AKAP6: variants seen among roughly 807,000 people sequenced by gnomAD.
AKAP6 encodes A-kinase anchor protein 6.
Under a neutral mutation model 188.5 loss-of-function variants are expected in AKAP6, and 58 were observed. The ratio of observed to expected loss-of-function variants is 0.31; its 90% CI spans 0.25 to 0.38. The LOEUF is 0.38. Among genes scored for constraint, AKAP6 ranks in the 10% least tolerant of loss-of-function variants. AKAP6 has a pLI of 1.00. For synonymous variants in AKAP6, 989 were observed against 998.6 expected (o/e 0.99, Z 0.18); for missense variants, 2,710 against 2,740.0 (o/e 0.99, Z 0.24).
intron 11 of AKAP6, among the ~76,000 whole-genome samples, chr14:32,743,165 T>G (rs2031751994): frequency 6.6e-6 from 1 of 152,188 alleles, no homozygotes; most frequent in Non-Finnish European, 1.5e-5. Context: ...AAATCTATTT[T>G]GTCTGATATA....
rs369253301 is a variant in AKAP6, at chr14:32,837,473, A to G, written c.*7668A>G. 8 of 152,260 alleles carry G rather than the reference A, an allele frequency of 5.3e-5. No homozygotes were observed. The South Asian group carries it at 1.5e-3, about 28-fold the overall frequency. 9.4% of individuals were successfully genotyped at this position (152,260 alleles called of 1,614,324 possible). Reference sequence around the variant, plus strand: ...TTTTAAATCCCAATATTCCCTAACCACTGGTTTATAAAAAATACTCTAAGG... The same window carrying G: ...TTTTAAATCCCAATATTCCCTAACCGCTGGTTTATAAAAAATACTCTAAGG... On this transcript the variant is annotated 3_prime_UTR_variant, in exon 14 of 14. Coordinates refer to ENST00000280979, the MANE Select transcript of AKAP6 (RefSeq NM_004274.5).
Position 32,450,252 on chromosome 14 carries a change from T to C in AKAP6, c.324+16435T>C, listed in dbSNP as rs554082120. On this transcript the variant is annotated intron_variant, in intron 2 of 13. Coordinates refer to ENST00000280979, the MANE Select transcript of AKAP6 (RefSeq NM_004274.5). ...GAAATGTTAGTAGTTCTGATTATGA[T>C]TCTATCCCAATCCAAATACTGCTTG... Among the ~76,000 whole-genome samples, 196 of 152,288 alleles carry C rather than the reference T, an allele frequency of 1.3e-3. 1 individual carries two copies. Among genetic ancestry groups the C allele is most frequent in the African/African-American group, 4.5e-3 (185 of 41,568 alleles).
At chr14:32,731,414 C>T (rs1319687314) in intron 9 of AKAP6, among the ~76,000 whole-genome samples, 2 of 151,972 alleles carry the variant, frequency 1.3e-5, no homozygotes, top group Non-Finnish European at 2.9e-5. Flanking sequence ...TTTATTTGCC[C>T]AGAGAAAAGT....
intron 2 of AKAP6, among the ~76,000 whole-genome samples, chr14:32,479,450 A>G (rs1486059976): frequency 6.6e-6 from 1 of 152,220 alleles, no homozygotes; most frequent in Admixed American, 6.5e-5. Flanking sequence ...TACATGTAAT[A>G]AAAAATTGGA....
At chr14:32,432,407 G>A (rs1890254182) in intron 1 of AKAP6, among the ~76,000 whole-genome samples, 1 of 152,064 alleles carries the variant, frequency 6.6e-6, no homozygotes, top group South Asian at 2.1e-4. Flanking sequence ...CTTACTTTTT[G>A]ATGAATTACA....
At chr14:32,518,972 G>T (rs1219359099) in intron 2 of AKAP6, among the ~76,000 whole-genome samples, 1 of 152,236 alleles carries the variant, frequency 6.6e-6, no homozygotes, top group Admixed American at 6.5e-5. Context: ...ACAAAGGGAA[G>T]CCCATCAGAC....
At position 32,571,975 on chromosome 14, in the gene AKAP6, A is replaced by T. The variant is rs368770985; in HGVS notation, c.2347-5145A>T. Among the ~76,000 whole-genome samples, 6 of 152,340 alleles carry T rather than the reference A, an allele frequency of 3.9e-5. No individual in the cohort carries two copies. In the East Asian group the frequency reaches 1.2e-3, roughly 29 times the overall value. On this transcript the variant is annotated intron_variant, in intron 4 of 13. Transcript: ENST00000280979. ...TTCTTGTTAAGCATTTAGTCTCATC[A>T]CAAATTCTGTTTTAGAAAAAAACAA...
rs145363202 is a variant in AKAP6 at position 32,482,608 on chromosome 14, C to G, written c.324+48791C>G. On this transcript the variant is annotated intron_variant, in intron 2 of 13. Transcript: ENST00000280979. ...ACTTACTGTCTTTTCCTGTTTTGTT[C>G]TCTGCTGTATTCCAAGGGCCTGGAA... Among the ~76,000 whole-genome samples the G allele has an allele frequency of 1.1e-3, 165 of 152,200 alleles. 4 individuals are homozygous for G. In the East Asian group the frequency reaches 0.026, roughly 24 times the overall value.
rs189735743 is a variant in AKAP6 at position 32,586,694 on chromosome 14, C to T, written c.2469+9452C>T. Reference sequence around the variant, plus strand: ...CCTGTAGTTTCTATTAGTAATAATTCGAAGTCAATAAATATAGAATGACTT... The same window carrying T: ...CCTGTAGTTTCTATTAGTAATAATTTGAAGTCAATAAATATAGAATGACTT... On this transcript the variant is annotated intron_variant, in intron 5 of 13. Coordinates refer to ENST00000280979, the MANE Select transcript of AKAP6 (RefSeq NM_004274.5). Among the ~76,000 whole-genome samples the T allele has an allele frequency of 7.2e-4, 110 of 152,238 alleles. No homozygotes were observed. In the East Asian group the frequency reaches 7.5e-3, roughly 10 times the overall value.
At chr14:32,786,557 C>T (rs1463177952) in intron 12 of AKAP6, among the ~76,000 whole-genome samples, 1 of 151,784 alleles carries the variant, frequency 6.6e-6, no homozygotes, top group Admixed American at 6.6e-5. Flanking sequence ...ATCTCCTGAC[C>T]TCGTGATCTG....
chr14:32,751,850 T>C (rs1173847137), intron 11 of AKAP6, among the ~76,000 whole-genome samples: 1 of 152,220 alleles, frequency 6.6e-6, no homozygotes, highest in African/African-American at 2.4e-5. Flanking sequence ...TCTTAAATTG[T>C]TCTGTCTTCA....
chr14:32,656,236 C>T (rs918974986), intron 7 of AKAP6, among the ~76,000 whole-genome samples: 2 of 151,998 alleles, frequency 1.3e-5, no homozygotes, highest in Non-Finnish European at 2.9e-5. Flanking sequence ...TTTTATGTGA[C>T]TTTTATTATC....
chr14:32,518,529 C>T (rs1030989968), intron 2 of AKAP6, among the ~76,000 whole-genome samples: 8 of 152,028 alleles, frequency 5.3e-5, no homozygotes, highest in Admixed American at 2.0e-4. Context: ...AACCATGGCA[C>T]GAGAACTACG....
chr14:32,332,192 G>C (rs1306690215), intron 1 of AKAP6, among the ~76,000 whole-genome samples: 1 of 152,026 alleles, frequency 6.6e-6, no homozygotes, highest in Non-Finnish European at 1.5e-5. Flanking sequence ...ATTGGGCCAG[G>C]ATTCCAAACC....
At chr14:32,523,274 A>G (rs1014796677) in intron 2 of AKAP6, among the ~76,000 whole-genome samples, 25 of 152,260 alleles carry the variant, frequency 1.6e-4, no homozygotes, top group Admixed American at 3.3e-4. Context: ...ACATGTATAC[A>G]TATGTAACAA....
At chr14:32,797,358 C>G (rs1200449819) in intron 12 of AKAP6, among the ~76,000 whole-genome samples, 5 of 152,172 alleles carry the variant, frequency 3.3e-5, no homozygotes, top group Non-Finnish European at 7.3e-5. Context: ...GACATGGAAT[C>G]AACCTAAACC....
intron 12 of AKAP6, among the ~76,000 whole-genome samples, chr14:32,792,050 A>G (rs563481069): frequency 1.3e-5 from 2 of 152,308 alleles, no homozygotes; most frequent in South Asian, 4.1e-4. Context: ...GAAGTCAGGT[A>G]GCATGATGCC....
intron 9 of AKAP6, among the ~76,000 whole-genome samples, chr14:32,712,380 T>C (rs182984495): frequency 6.6e-6 from 1 of 151,936 alleles, no homozygotes; most frequent in Non-Finnish European, 1.5e-5. Context: ...TTGCTGAAAG[T>C]TGGGGTGGCT....
At chr14:32,346,879 C>A (rs9322894) in intron 1 of AKAP6, among the ~76,000 whole-genome samples, 27,250 of 152,152 alleles carry the variant, frequency 0.18, 2,583 homozygotes, top group East Asian at 0.4. Context: ...ATCACAGTAA[C>A]CACCCAAAAA....
Sources: gnomAD v4.1 joint callset for allele counts (sites outside exome capture counted in the v4.1 genomes callset) on GRCh38, gnomAD v4.1.1 for gene constraint, MANE v1.5 for transcripts, NCBI Gene and HGNC (gene_info 2026-07-23, HGNC 2026-07-21) for gene names.